LIPH: variants seen among roughly 807,000 people sequenced by gnomAD.
LIPH encodes lipase H.
A neutral mutation model predicts 47.6 loss-of-function variants in LIPH; 32 were observed. That is an observed-to-expected ratio of 0.67 (90% confidence interval 0.51 to 0.90). The LOEUF (loss-of-function observed/expected upper bound fraction) is 0.90. LIPH is among the 40% of genes least tolerant of loss of function. The pLI is 0.00. For synonymous variants in LIPH, 190 were observed against 195.6 expected, an observed-to-expected ratio of 0.97 and a Z score of 0.24; for missense variants, 497 against 541.4, an observed-to-expected ratio of 0.92 and a Z score of 0.81.
At chr3:185,534,416 C>G (rs1350633953) in intron 2 of LIPH, among the ~76,000 whole-genome samples, 1 of 151,798 alleles carries the variant, frequency 6.6e-6, no homozygotes, top group Non-Finnish European at 1.5e-5. Context: ...CTAGACAGAA[C>G]CTCTCCTACC....
At position 185,544,233 on chromosome 3, in the gene LIPH, A is replaced by G. The variant is rs73056841; in HGVS notation, c.49+8190T>C. On this transcript the variant is annotated intron_variant, in intron 1 of 9. Transcript: ENST00000296252. The stretch of plus-strand genomic sequence containing the variant: ...TCTGGGAATAAATTCCTTAGCCTAA[A>G]TAATGACCTGGCTTTGAACCATACT... 9.9e-3 allele frequency among the ~76,000 whole-genome samples: 1,503 copies of G among 152,298 alleles called. 31 individuals carry two copies. Among genetic ancestry groups the G allele is most frequent in the African/African-American group, 0.033 (1,378 of 41,568 alleles).
chr3:185,539,559 CG>C (rs1187406033), intron 1 of LIPH, among the ~76,000 whole-genome samples: 4 of 151,368 alleles, frequency 2.6e-5, no homozygotes, highest in Non-Finnish European at 5.9e-5. Flanking sequence ...TTAGTAGAGA[CG>C]GGGTTTCACC....
In LIPH at chr3:185,514,332, A is replaced by T. The variant is rs543429970; in HGVS notation, c.1094+78T>A. On this transcript the variant is annotated intron_variant, in intron 8 of 9. Transcript: ENST00000296252. The stretch of plus-strand genomic sequence containing the variant: ...GAAAAGCATAGATCTATAAATAAGA[A>T]AGTAGGTGGATTTGTGATTTAATTT... The T allele has an allele frequency of 9.0e-6, 7 of 776,826 alleles. No homozygotes were observed. In the African/African-American group the frequency reaches 1.2e-4, roughly 13 times the overall value. 48.1% of individuals were successfully genotyped at this position (776,826 alleles called of 1,614,324 possible). A position where few individuals can be genotyped will look rare whatever the true frequency, so the allele number is the denominator to read the frequency against.
At chr3:185,547,242 AT>A (rs1217678277) in intron 1 of LIPH, among the ~76,000 whole-genome samples, 1 of 152,146 alleles carries the variant, frequency 6.6e-6, no homozygotes, top group Non-Finnish European at 1.5e-5. Context: ...CAGAAGTGAA[AT>A]TCTGTAGGAC....
intron 1 of LIPH, among the ~76,000 whole-genome samples, chr3:185,541,785 C>T (rs935321751): frequency 6.7e-6 from 1 of 150,100 alleles, no homozygotes; most frequent in East Asian, 2.0e-4. Flanking sequence ...GAGACAGAGT[C>T]TCACTCTGTC....
chr3:185,519,099 T>A (rs1346887690), intron 6 of LIPH, 43 bp downstream of exon 6: 1 of 1,551,524 alleles, frequency 6.4e-7, no homozygotes, highest in Admixed American at 1.7e-5. Context: ...TACCAAAAAT[T>A]AGTTCTTTGT....
At chr3:185,534,735 G>T in intron 2 of LIPH, 30 bp downstream of exon 2, 1 of 1,611,126 alleles carries the variant, frequency 6.2e-7, no homozygotes, top group Non-Finnish European at 8.5e-7. Context: ...TTTCAACTTA[G>T]CTCTGAATCA....
chr3:185,547,414 C>G (rs2148966559), intron 1 of LIPH, among the ~76,000 whole-genome samples: 1 of 152,260 alleles, frequency 6.6e-6, no homozygotes, highest in Admixed American at 6.5e-5. Flanking sequence ...TGTGCTTGAG[C>G]TTTCTTCCCC....
intron 5 of LIPH, among the ~76,000 whole-genome samples, chr3:185,523,412 C>A (rs1346429085): frequency 6.6e-6 from 1 of 151,842 alleles, no homozygotes; most frequent in Non-Finnish European, 1.5e-5. Flanking sequence ...ATGCCTTTTT[C>A]TTTTCTTTTT....
At chr3:185,517,806 A>G (rs951065174) in intron 6 of LIPH, among the ~76,000 whole-genome samples, 2 of 152,190 alleles carry the variant, frequency 1.3e-5, no homozygotes, top group African/African-American at 4.8e-5. Context: ...CCCCTTGTCT[A>G]TACCATGCCC....
Position 185,540,916 on chromosome 3 carries a change from G to A in LIPH, c.50-5784C>T, listed in dbSNP as rs2148963168. ...CTGGAAACTGGATTTCCGACTCGGA[G>A]TGCGCTGCCGACTTCTGCCATGTGT... On this transcript the variant is annotated intron_variant, in intron 1 of 9. Transcript: ENST00000296252. Among the ~76,000 whole-genome samples the A allele has an allele frequency of 2.0e-5, 3 of 152,228 alleles. No individual in the cohort carries two copies. In the South Asian group the frequency reaches 6.2e-4, roughly 32 times the overall value.
At chr3:185,537,296 C>T (rs1330093055) in intron 1 of LIPH, among the ~76,000 whole-genome samples, 1 of 151,990 alleles carries the variant, frequency 6.6e-6, no homozygotes, top group Non-Finnish European at 1.5e-5. Flanking sequence ...GAGACTCTAG[C>T]TCTTAAAAAA....
rs199928391 is a variant in LIPH, at chr3:185,517,130, T to G, written c.919A>C (p.Arg307=). ...YYADNWKDHL[R]GKDPPMTKAF... is the part of the protein sequence containing the mutation. ...TTCGTCATTGGAGGATCTTTCCCCCTTAGATGGTCTTTCCAATTATCAGCA... is the reference window on the plus strand; with the variant it reads ...TTCGTCATTGGAGGATCTTTCCCCCGTAGATGGTCTTTCCAATTATCAGCA... The change falls in exon 7 of 10, where the codon AGG becomes CGG. Residue 307 remains arginine, a synonymous_variant. Coordinates refer to ENST00000296252, the MANE Select transcript of LIPH (RefSeq NM_139248.3). The G allele has an allele frequency of 5.5e-5, 88 of 1,610,238 alleles. No homozygotes were observed. Among genetic ancestry groups the G allele is most frequent in the Middle Eastern group, 1.6e-4 (1 of 6,076 alleles).
intron 4 of LIPH, among the ~76,000 whole-genome samples, chr3:185,525,619 G>A (rs1461060679): frequency 1.3e-5 from 2 of 151,432 alleles, no homozygotes; most frequent in African/African-American, 4.9e-5. Flanking sequence ...CTCTATCAGT[G>A]AAAAAAAAGG....
chr3:185,527,155 C>A (rs1417192012), intron 4 of LIPH, among the ~76,000 whole-genome samples: 1 of 151,968 alleles, frequency 6.6e-6, no homozygotes, highest in Admixed American at 6.6e-5. Flanking sequence ...GGGAGGATGG[C>A]GAGAACCTGG....
chr3:185,522,699 A>AAAGG (rs1719945796), intron 5 of LIPH, among the ~76,000 whole-genome samples: 1 of 140,434 alleles, frequency 7.1e-6, no homozygotes, highest in Non-Finnish European at 1.6e-5. Context: ...AGAAAGAAAG[A>AAAGG]AAGGTGGCCG....
At chr3:185,546,794 GA>G (rs1192649362) in intron 1 of LIPH, 13 of 355,502 alleles carry the variant, frequency 3.7e-5, no homozygotes, top group Non-Finnish European at 2.7e-5. Context: ...AACAGAGTAA[GA>G]ACTTGTCTAA....
chr3:185,521,714 A>G (rs772215002), intron 5 of LIPH, among the ~76,000 whole-genome samples: 2 of 152,158 alleles, frequency 1.3e-5, no homozygotes, highest in Non-Finnish European at 2.9e-5. Flanking sequence ...CAGTAGTTCC[A>G]TTTCTGGACT....
intron 1 of LIPH, among the ~76,000 whole-genome samples, chr3:185,549,917 G>A (rs564060423): frequency 1.3e-3 from 203 of 152,268 alleles, no homozygotes; most frequent in African/African-American, 4.8e-3. Flanking sequence ...ACTAAGTTTG[G>A]ATTTTTGGAG....
Sources: allele counts gnomAD v4.1 joint callset (sites outside exome capture counted in the v4.1 genomes callset), GRCh38; gene constraint gnomAD v4.1.1; transcripts MANE v1.5; gene names NCBI Gene and HGNC (gene_info 2026-07-23, HGNC 2026-07-21).